The following AK5 variants were observed in gnomAD, a reference collection of about 807,000 sequenced individuals.
AK5 encodes the protein adenylate kinase isoenzyme 5.
Under a neutral mutation model 69.5 loss-of-function variants are expected in AK5, and 27 were observed. The ratio of observed to expected loss-of-function variants is 0.39; its 90% CI spans 0.29 to 0.54. AK5 has a LOEUF of 0.54. Among genes scored for constraint, AK5 ranks in the 20% least tolerant of loss-of-function variants. The pLI is 0.71. For synonymous variants in AK5, 260 were observed against 244.4 expected (o/e 1.06, Z -0.60); for missense variants, 531 against 700.4 (o/e 0.76, Z 2.73).
At chr1:77,370,565 A>C (rs1390809665) in intron 6 of AK5, among the ~76,000 whole-genome samples, 10 of 152,178 alleles carry the variant, frequency 6.6e-5, no homozygotes, top group African/African-American at 2.2e-4. Flanking sequence ...ATTAAAATTA[A>C]AAAAAACTTT....
At chr1:77,339,733 C>T (rs1476605085) in intron 5 of AK5, among the ~76,000 whole-genome samples, 1 of 151,060 alleles carries the variant, frequency 6.6e-6, no homozygotes, top group Non-Finnish European at 1.5e-5. Context: ...GCAACCTCCA[C>T]CTCCCAGGTT....
At chr1:77,368,490 G>A (rs181505618) in intron 6 of AK5, among the ~76,000 whole-genome samples, 1 of 151,016 alleles carries the variant, frequency 6.6e-6, no homozygotes, top group African/African-American at 2.4e-5. Flanking sequence ...CACTATCTCA[G>A]CCACCCGTGT....
intron 6 of AK5, among the ~76,000 whole-genome samples, chr1:77,362,064 G>A (rs1347619910): frequency 1.3e-5 from 2 of 152,142 alleles, no homozygotes; most frequent in South Asian, 2.1e-4. Flanking sequence ...GAAGAATGGG[G>A]CAATAAGAAG....
At chr1:77,385,001 C>G (rs1647906294) in intron 6 of AK5, among the ~76,000 whole-genome samples, 1 of 152,068 alleles carries the variant, frequency 6.6e-6, no homozygotes, top group South Asian at 2.1e-4. Flanking sequence ...CTCTTAAACT[C>G]TATTCATCAA....
intron 8 of AK5, among the ~76,000 whole-genome samples, chr1:77,428,277 A>T (rs1461328836): frequency 2.0e-5 from 3 of 152,222 alleles, no homozygotes; most frequent in African/African-American, 7.2e-5. Context: ...CACCAAGGAA[A>T]ATGTGTGCTG....
intron 6 of AK5, among the ~76,000 whole-genome samples, chr1:77,352,355 T>C (rs1662255650): frequency 6.6e-6 from 1 of 152,198 alleles, no homozygotes; most frequent in Non-Finnish European, 1.5e-5. Flanking sequence ...CTTCCAACAG[T>C]GTTTTAAAAT....
intron 9 of AK5, 100 bp downstream of exon 9, chr1:77,483,459 A>AGG: frequency 1.0e-6 from 1 of 964,560 alleles, no homozygotes; most frequent in Non-Finnish European, 1.7e-6. Flanking sequence ...TATTAACAGC[A>AGG]TCACTTTTTC....
intron 6 of AK5, among the ~76,000 whole-genome samples, chr1:77,407,603 A>ATGAT (rs1019910590): frequency 2.0e-5 from 3 of 152,118 alleles, no homozygotes; most frequent in African/African-American, 7.2e-5. Flanking sequence ...GACATATATC[A>ATGAT]AAACTTATAA....
At chr1:77,535,261 T>C (rs1658895373) in intron 12 of AK5, among the ~76,000 whole-genome samples, 1 of 152,246 alleles carries the variant, frequency 6.6e-6, no homozygotes, top group Non-Finnish European at 1.5e-5. Context: ...AAGGTGTTTC[T>C]GTGTCTCAGT....
rs953243256 is a variant in AK5 at position 77,522,795 on chromosome 1, C to T, written c.1428+852C>T. 3.3e-5 allele frequency among the ~76,000 whole-genome samples: 5 copies of T among 152,172 alleles called. No individual in the cohort carries two copies. In the East Asian group the frequency reaches 9.6e-4, roughly 29 times the overall value. On this transcript the variant is annotated intron_variant, in intron 12 of 13. Coordinates refer to ENST00000354567, the MANE Select transcript of AK5 (RefSeq NM_174858.3). ...GGGTAAAACTGGCCTCATTGTTAAACAAATACTGACTTGAGAACTTAAAAG... is the reference window on the plus strand; with the variant it reads ...GGGTAAAACTGGCCTCATTGTTAAATAAATACTGACTTGAGAACTTAAAAG...
chr1:77,327,405 AAAAC>A (rs1423586968), intron 5 of AK5, among the ~76,000 whole-genome samples: 3 of 151,990 alleles, frequency 2.0e-5, no homozygotes, highest in Non-Finnish European at 4.4e-5. Flanking sequence ...AAAAAAAAAA[AAAAC>A]ACATACACAC....
At position 77,338,050 on chromosome 1, in the gene AK5, C is replaced by T. The variant is rs762998843; in HGVS notation, c.700-2327C>T. Reference sequence around the variant, plus strand: ...CACGATCTCAGCTCACTGCAACCTCCGCTTCCCGGGTTCAAGTGATTCTCC... The same window carrying T: ...CACGATCTCAGCTCACTGCAACCTCTGCTTCCCGGGTTCAAGTGATTCTCC... On this transcript the variant is annotated intron_variant, in intron 5 of 13. Transcript: ENST00000354567. Among the ~76,000 whole-genome samples, 4 of 151,670 alleles carry T rather than the reference C, an allele frequency of 2.6e-5. No individual in the cohort carries two copies. In the East Asian group the frequency reaches 5.8e-4, roughly 22 times the overall value.
At chr1:77,320,173 G>A (rs1376171534) in intron 5 of AK5, among the ~76,000 whole-genome samples, 2 of 152,192 alleles carry the variant, frequency 1.3e-5, no homozygotes, top group African/African-American at 4.8e-5. Context: ...AAACCATCGG[G>A]TCTCATGAGA....
intron 6 of AK5, among the ~76,000 whole-genome samples, chr1:77,357,858 G>T (rs745991496): frequency 1.3e-5 from 2 of 152,200 alleles, no homozygotes; most frequent in African/African-American, 4.8e-5. Context: ...GCAAGCGGGA[G>T]CTGCCTGAAG....
At chr1:77,448,946 C>T (rs770934135) in intron 8 of AK5, among the ~76,000 whole-genome samples, 5 of 152,156 alleles carry the variant, frequency 3.3e-5, no homozygotes, top group East Asian at 1.9e-4. Context: ...TGGGAACCTC[C>T]GCCTATATTT....
At chr1:77,302,919 A>ATAACAGGG (rs1477500565) in intron 5 of AK5, among the ~76,000 whole-genome samples, 5 of 152,206 alleles carry the variant, frequency 3.3e-5, no homozygotes, top group African/African-American at 7.2e-5. Flanking sequence ...ATGCAATGAC[A>ATAACAGGG]TAACAGGGGT....
chr1:77,411,043 G>C lies in AK5; in HGVS notation c.954G>C (p.Lys318Asn). The change falls in exon 7 of 14, where the codon AAG (lysine) becomes AAC (asparagine). Residue 318 changes from lysine (K) to asparagine (N), a missense_variant. Lys to Asn is a moderately conservative substitution (Grantham distance 94). Coordinates refer to ENST00000354567, the MANE Select transcript of AK5 (RefSeq NM_174858.3). ...FYDISMAVDN[K>N]LFPNKEAAAG... Reference sequence around the variant, plus strand: ...ACATCAGCATGGCAGTTGACAACAAGTTATTTCCAAACAAAGAGGCTGCAG... The same window carrying C: ...ACATCAGCATGGCAGTTGACAACAACTTATTTCCAAACAAAGAGGCTGCAG... The C allele has an allele frequency of 6.2e-7, 1 of 1,613,814 alleles. No homozygotes were observed. Among genetic ancestry groups the C allele is most frequent in the Non-Finnish European group, 8.5e-7 (1 of 1,179,884 alleles).
intron 8 of AK5, among the ~76,000 whole-genome samples, chr1:77,431,428 G>A (rs1319857141): frequency 6.6e-6 from 1 of 152,156 alleles, no homozygotes; most frequent in African/African-American, 2.4e-5. Context: ...GAGAAGGTCA[G>A]TAATTTGGTT....
intron 9 of AK5, among the ~76,000 whole-genome samples, chr1:77,483,900 C>G (rs1192657586): frequency 6.6e-6 from 1 of 152,182 alleles, no homozygotes; most frequent in East Asian, 1.9e-4. Context: ...TGCAGTGGCT[C>G]ACGCCTGTAA....
Sources: allele counts gnomAD v4.1 joint callset (sites outside exome capture counted in the v4.1 genomes callset), GRCh38; gene constraint gnomAD v4.1.1; transcripts MANE v1.5; gene names NCBI Gene and HGNC (gene_info 2026-07-23, HGNC 2026-07-21).